TAPBPL: variants seen among roughly 807,000 people sequenced by gnomAD.
TAPBPL encodes the protein TAP binding protein like, also known as tapasin-related protein.
A neutral mutation model predicts 44.8 loss-of-function variants in TAPBPL; 32 were observed. The ratio of observed to expected loss-of-function variants is 0.71; its 90% CI spans 0.54 to 0.96. TAPBPL has a LOEUF of 0.96. TAPBPL is among the 40% of genes least tolerant of loss of function. The pLI, the probability that TAPBPL is intolerant of heterozygous loss-of-function variation, is 0.00. For synonymous variants in TAPBPL, 230 were observed against 240.7 expected (o/e 0.96, Z 0.41); for missense variants, 520 against 586.6 (o/e 0.89, Z 1.17).
chr12:6,470,869 TCCTTC>T, downstream of TAPBPL: 1 of 442,534 alleles, frequency 2.3e-6, no homozygotes, highest in Non-Finnish European at 4.1e-6. Context: ...GCTGTGAGGA[TCCTTC>T]AGTGATCAAT....
Position 6,462,106 on chromosome 12 carries a change from A to G in TAPBPL, c.1364A>G (p.His455Arg). The change falls in exon 7 of 7, where the codon CAT (histidine) becomes CGT (arginine). Residue 455 changes from histidine to arginine, a missense_variant. Transcript: ENST00000266556. ...TCCTGTGCTGACACACAGAGCTCCCATCTCCATGAAGACCGCACAGCGCGT... is the reference window on the plus strand; with the variant it reads ...TCCTGTGCTGACACACAGAGCTCCCGTCTCCATGAAGACCGCACAGCGCGT... ...TTSCADTQSS[H>R]LHEDRTARVS... is the part of the protein sequence containing the mutation. The G allele has an allele frequency of 6.2e-7, 1 of 1,613,650 alleles. No individual in the cohort carries two copies. Among genetic ancestry groups the G allele is most frequent in the East Asian group, 2.2e-5 (1 of 44,874 alleles).
chr12:6,453,525 C>T lies in TAPBPL; in HGVS notation c.374C>T (p.Ser125Phe). ...GGGAAGGAGGTGACCTGTGAGATCT[C>T]CCGCTACTTTCTCCAGATGACAGAG... Reference protein sequence around the residue: ...CSGKEVTCEISRYFLQMTETT... With the variant: ...CSGKEVTCEIFRYFLQMTETT... The change falls in exon 3 of 7, where the codon TCC (serine) becomes TTC (phenylalanine). Residue 125 changes from serine to phenylalanine, a missense_variant. Transcript: ENST00000266556. The surrounding 1 kb of genome is among the most constrained non-coding windows in gnomAD (Gnocchi z 4.8). 1 of 1,614,154 alleles carries T rather than the reference C, an allele frequency of 6.2e-7. No homozygotes were observed. Among genetic ancestry groups the T allele is most frequent in the Non-Finnish European group, 8.5e-7 (1 of 1,180,020 alleles).
At chr12:6,462,708 T>TCGAG, downstream of TAPBPL, 1 of 1,041,734 alleles carries the variant, frequency 9.6e-7, no homozygotes, top group Non-Finnish European at 1.4e-6. Flanking sequence ...TTGGGACACA[T>TCGAG]CGAGGACAGT....
Position 6,457,493 on chromosome 12 carries a change from CGG to C in TAPBPL, c.655_656del (p.Gly219LeufsTer86). 1 of 1,614,222 alleles carries C rather than the reference CGG, an allele frequency of 6.2e-7. No homozygotes were observed. The highest frequency in any genetic ancestry group is 1.1e-5 in the South Asian group (1 of 91,088). ...TTGGACTGTGGCTTCTCCATGGCAC[CGG>C]GCTTGGACCTCATCAGTGTGGAGTG... is the stretch of plus-strand genomic sequence containing the variant. On this transcript the variant is annotated frameshift_variant, in exon 4 of 7. Transcript: ENST00000266556. LOFTEE classifies it high-confidence loss of function.
At chr12:6,455,240 C>T (rs1565516052) in intron 3 of TAPBPL, among the ~76,000 whole-genome samples, 1 of 152,172 alleles carries the variant, frequency 6.6e-6, no homozygotes, top group African/African-American at 2.4e-5. Flanking sequence ...GAAGATAACA[C>T]TTGAACCCCA....
chr12:6,452,352 C>CG, intron 1 of TAPBPL, 40 bp downstream of exon 1: 1 of 1,553,600 alleles, frequency 6.4e-7, no homozygotes, highest in Non-Finnish European at 8.7e-7. Context: ...GGGAGAAGAG[C>CG]TACTGAAGCC....
chr12:6,462,331 A>G (rs1024377698), downstream of TAPBPL: 1 of 582,438 alleles, frequency 1.7e-6, no homozygotes. Context: ...AACTGTTGTT[A>G]TTACTCTATA....
At chr12:6,452,674 G>C (rs1949586383) in intron 1 of TAPBPL, 1 of 1,154,482 alleles carries the variant, frequency 8.7e-7, no homozygotes, top group Non-Finnish European at 1.1e-6. Flanking sequence ...AAGGCTACCC[G>C]AAATGGGAGA....
chr12:6,458,637 T>C lies in TAPBPL; in HGVS notation c.905-8T>C. 6.2e-7 allele frequency: 1 copy of C among 1,612,104 alleles called. No individual in the cohort carries two copies. Among genetic ancestry groups the C allele is most frequent in the Admixed American group, 1.7e-5 (1 of 59,986 alleles). ...CATGTGTAATCTTATTCCTCATTCTTTCTCCAGCTTCCCCTAAAGTACGAC... is the reference window on the plus strand; with the variant it reads ...CATGTGTAATCTTATTCCTCATTCTCTCTCCAGCTTCCCCTAAAGTACGAC... On this transcript the variant is annotated splice_region_variant and splice_polypyrimidine_tract_variant and intron_variant, in intron 4 of 6. Transcript: ENST00000266556.
downstream of TAPBPL, chr12:6,466,266 T>G: frequency 6.2e-7 from 1 of 1,614,256 alleles, no homozygotes. Context: ...CGTCTGTTAC[T>G]GGTCATGTTA....
chr12:6,466,157 T>A, downstream of TAPBPL: 1 of 1,608,716 alleles, frequency 6.2e-7, no homozygotes, highest in Non-Finnish European at 8.5e-7. Context: ...GGAGAAAAGA[T>A]AAGAAGTTCC....
At chr12:6,466,327 A>G, downstream of TAPBPL, 1 of 1,613,926 alleles carries the variant, frequency 6.2e-7, no homozygotes, top group Non-Finnish European at 8.5e-7. Context: ...CTGTCCCTTC[A>G]GCAGGTGGCT....
chr12:6,465,453 T>TAA (rs1949997077), downstream of TAPBPL: 2 of 131,570 alleles, frequency 1.5e-5, no homozygotes, highest in African/African-American at 7.1e-5. Flanking sequence ...TATATATACA[T>TAA]ATGTGTATAT....
At chr12:6,463,202 A>G, downstream of TAPBPL, 8 of 1,434,526 alleles carry the variant, frequency 5.6e-6, no homozygotes, top group Non-Finnish European at 7.3e-6. This position sits in a 1 kb window ranked among gnomAD's most constrained non-coding sequence, Gnocchi z 4.0. Context: ...GAATTCAGAC[A>G]GGAAAGGGTG....
intron 6 of TAPBPL, among the ~76,000 whole-genome samples, chr12:6,461,564 A>G (rs563300859): frequency 6.6e-6 from 1 of 152,286 alleles, no homozygotes; most frequent in East Asian, 1.9e-4. Context: ...CTTTCTCCAC[A>G]CTGGTCCCAA....
At chr12:6,461,726 G>A (rs1565521603) in intron 6 of TAPBPL, among the ~76,000 whole-genome samples, 3 of 152,178 alleles carry the variant, frequency 2.0e-5, no homozygotes, top group Non-Finnish European at 2.9e-5. Context: ...GGAGGTTCAG[G>A]ATACCTGCAA....
downstream of TAPBPL, chr12:6,464,579 G>A: frequency 6.8e-7 from 1 of 1,463,682 alleles, no homozygotes; most frequent in Non-Finnish European, 9.0e-7. Context: ...AGACATTCAG[G>A]TCTCTCCATT....
chr12:6,452,691 T>C, intron 1 of TAPBPL: 2 of 1,037,146 alleles, frequency 1.9e-6, no homozygotes. Context: ...GAGAAAGCAG[T>C]GCAGGCTGTC....
At position 6,453,215 on chromosome 12, in the gene TAPBPL, C is replaced by G; in HGVS notation, c.213C>G (p.Asp71Glu). The change falls in exon 2 of 7, where the codon GAC becomes GAG. Residue 71 changes from aspartate to glutamate, a missense_variant. Coordinates refer to ENST00000266556, the MANE Select transcript of TAPBPL (RefSeq NM_018009.5). The surrounding 1 kb of genome is among the most constrained non-coding windows in gnomAD (Gnocchi z 4.8). ...SLVLKQVPVL[D>E]DGSLEDFTDF... ...TGCTGAAGCAGGTGCCAGTGCTGGA[C>G]GATGGCTCCCTGGAGGACTTCACCG... 6.2e-7 allele frequency: 1 copy of G among 1,613,748 alleles called. No homozygotes were observed. Among genetic ancestry groups the G allele is most frequent in the Non-Finnish European group, 8.5e-7 (1 of 1,179,868 alleles).
Sources: gnomAD v4.1 joint callset for allele counts (sites outside exome capture counted in the v4.1 genomes callset) on GRCh38, gnomAD v4.1.1 for gene constraint, Gnocchi (gnomAD v3.1) non-coding constraint, MANE v1.5 for transcripts, NCBI Gene and HGNC (gene_info 2026-07-23, HGNC 2026-07-21) for gene names.